ADCY2: variants seen among roughly 807,000 people sequenced by gnomAD.
ADCY2 encodes adenylate cyclase type 2.
In ADCY2, 31 loss-of-function variants were observed where a neutral mutation model predicts 125.2. The ratio of observed to expected loss-of-function variants is 0.25; its 90% confidence interval spans 0.19 to 0.33. ADCY2 has a LOEUF of 0.33. Among genes scored for constraint, ADCY2 ranks in the 10% least tolerant of loss-of-function variants. The pLI, the probability that ADCY2 is intolerant of heterozygous loss-of-function variation, is 1.00. For missense variants in ADCY2, 904 were observed against 1,418.2 expected (o/e 0.64, Z 5.82); for synonymous variants, 512 against 548.4 (o/e 0.93, Z 0.93).
chr5:7,801,564 T>G (rs190447493), intron 20 of ADCY2: 2 of 152,364 alleles, frequency 1.3e-5, no homozygotes. Flanking sequence ...AAGGTGTCAC[T>G]GTGTTGGGAA....
At chr5:7,485,433 CAAT>C (rs1413473149) in intron 2 of ADCY2, among the ~76,000 whole-genome samples, 1 of 152,040 alleles carries the variant, frequency 6.6e-6, no homozygotes, top group Non-Finnish European at 1.5e-5. Flanking sequence ...TTAATTTCAG[CAAT>C]AATAAATAAA....
rs143037945 is a variant in ADCY2, at chr5:7,725,702, A to G, written c.1773+1088A>G. Among the ~76,000 whole-genome samples the G allele has an allele frequency of 4.8e-3, 732 of 152,292 alleles. 5 individuals carry two copies. The highest frequency in any genetic ancestry group is 0.017 in the African/African-American group (706 of 41,566). ...ATACCACAAAGAAATTCCTACTCAT[A>G]TCTCTGCACAAAGGCCTGAAGAAGT... On this transcript the variant is annotated intron_variant, in intron 13 of 24. Coordinates refer to ENST00000338316, the MANE Select transcript of ADCY2 (RefSeq NM_020546.3).
At chr5:7,459,167 G>A (rs572750972) in intron 2 of ADCY2, among the ~76,000 whole-genome samples, 1 of 152,292 alleles carries the variant, frequency 6.6e-6, no homozygotes, top group South Asian at 2.1e-4. Flanking sequence ...CACAGGAAAA[G>A]GACCAAGCCA....
intron 19 of ADCY2, among the ~76,000 whole-genome samples, 195 bp downstream of exon 19, chr5:7,784,644 A>G (rs987416482): frequency 6.6e-6 from 1 of 152,134 alleles, no homozygotes; most frequent in African/African-American, 2.4e-5. Context: ...TATCTTTCGT[A>G]TTTTCCACAA....
intron 3 of ADCY2, among the ~76,000 whole-genome samples, chr5:7,620,728 A>G (rs1453112239): frequency 6.6e-6 from 1 of 152,186 alleles, no homozygotes; most frequent in African/African-American, 2.4e-5. Context: ...ATGTGAGCTT[A>G]CTGAATATTC....
intron 3 of ADCY2, among the ~76,000 whole-genome samples, chr5:7,598,491 T>G (rs147746769): frequency 6.6e-6 from 1 of 152,340 alleles, no homozygotes; most frequent in Non-Finnish European, 1.5e-5. Flanking sequence ...ATTTTTGTAC[T>G]ATATCTCAAA....
chr5:7,673,771 C>T (rs568142122), intron 4 of ADCY2, among the ~76,000 whole-genome samples: 1 of 152,238 alleles, frequency 6.6e-6, no homozygotes, highest in African/African-American at 2.4e-5. Flanking sequence ...CCTGACAATA[C>T]GTAGTAGCCA....
intron 3 of ADCY2, among the ~76,000 whole-genome samples, chr5:7,589,466 G>GAAAGAAAGA (rs1554022181): frequency 5.0e-5 from 2 of 39,854 alleles, no homozygotes; most frequent in African/African-American, 1.4e-4. Flanking sequence ...GAAAAAGAAA[G>GAAAGAAAGA]AAAGAAAGAA....
intron 19 of ADCY2, among the ~76,000 whole-genome samples, chr5:7,784,984 G>T (rs1302735130): frequency 1.3e-5 from 2 of 152,160 alleles, no homozygotes; most frequent in Admixed American, 6.5e-5. Context: ...TCCCACAGAG[G>T]CTGTGGGTGC....
intron 3 of ADCY2, among the ~76,000 whole-genome samples, chr5:7,620,849 T>C (rs956712890): frequency 6.6e-6 from 1 of 152,002 alleles, no homozygotes; most frequent in Non-Finnish European, 1.5e-5. Context: ...ATGACCTGTA[T>C]CAAATGCTAT....
chr5:7,617,990 T>C (rs1225066425), intron 3 of ADCY2, among the ~76,000 whole-genome samples: 1 of 152,228 alleles, frequency 6.6e-6, no homozygotes, highest in African/African-American at 2.4e-5. Flanking sequence ...TTATGCGGAA[T>C]ATTTTGGTCA....
intron 3 of ADCY2, 46 bp downstream of exon 3, chr5:7,520,945 C>T: frequency 6.2e-7 from 1 of 1,607,062 alleles, no homozygotes; most frequent in Non-Finnish European, 8.5e-7. Flanking sequence ...CCACATCCCA[C>T]CAGGGGGTGA....
At chr5:7,544,390 T>G (rs1561085042) in intron 3 of ADCY2, among the ~76,000 whole-genome samples, 1 of 152,162 alleles carries the variant, frequency 6.6e-6, no homozygotes, top group Non-Finnish European at 1.5e-5. Flanking sequence ...TGAGAGAATC[T>G]CTATCCTTGC....
chr5:7,712,358 GTCC>G (rs546706820), intron 10 of ADCY2, among the ~76,000 whole-genome samples: 179 of 152,138 alleles, frequency 1.2e-3, no homozygotes, highest in Non-Finnish European at 2.1e-3. Context: ...TCTTCATTTT[GTCC>G]AATGGTTTGT....
At chr5:7,751,127 C>A (rs141847285) in intron 15 of ADCY2, among the ~76,000 whole-genome samples, 1 of 152,124 alleles carries the variant, frequency 6.6e-6, no homozygotes, top group African/African-American at 2.4e-5. Context: ...CCTCAATAAC[C>A]ATTTAGTTTT....
chr5:7,767,930 C>T (rs1743440470), intron 17 of ADCY2, among the ~76,000 whole-genome samples: 1 of 151,960 alleles, frequency 6.6e-6, no homozygotes, highest in African/African-American at 2.4e-5. Flanking sequence ...ACTTGGGAGA[C>T]TGAGGCAGGA....
intron 3 of ADCY2, among the ~76,000 whole-genome samples, chr5:7,620,828 G>A (rs1381785659): frequency 1.3e-5 from 2 of 151,328 alleles, no homozygotes; most frequent in African/African-American, 4.9e-5. Flanking sequence ...GATCTGCTTT[G>A]TTTTAAGCTG....
At chr5:7,477,054 C>T (rs181484273) in intron 2 of ADCY2, among the ~76,000 whole-genome samples, 2 of 152,208 alleles carry the variant, frequency 1.3e-5, no homozygotes, top group Non-Finnish European at 2.9e-5. Context: ...AATACGTTCT[C>T]CAGCATCTAG....
intron 3 of ADCY2, among the ~76,000 whole-genome samples, chr5:7,595,756 C>A (rs556210056): frequency 2.0e-5 from 3 of 152,302 alleles, no homozygotes; most frequent in African/African-American, 7.2e-5. Context: ...AGCCTGTGCA[C>A]ATCCTCTTGG....
Sources: allele counts gnomAD v4.1 joint callset (sites outside exome capture counted in the v4.1 genomes callset), GRCh38; gene constraint gnomAD v4.1.1; transcripts MANE v1.5; gene names NCBI Gene and HGNC (gene_info 2026-07-23, HGNC 2026-07-21).